UNC5D: variants seen among roughly 807,000 people sequenced by gnomAD.
UNC5D encodes unc-5 netrin receptor D.
UNC5D carries 39 observed loss-of-function variants against 105.4 expected under a neutral mutation model. That is an observed-to-expected ratio of 0.37 (90% CI 0.29 to 0.48). The LOEUF is 0.48. UNC5D is among the 20% of genes least tolerant of loss of function. The pLI, the probability that UNC5D is intolerant of heterozygous loss-of-function variation, is 0.98. For synonymous variants in UNC5D, 452 were observed against 450.4 expected, an observed-to-expected ratio of 1.00 and a Z score of -0.04; for missense variants, 991 against 1,202.4, an observed-to-expected ratio of 0.82 and a Z score of 2.60.
At chr8:35,593,230 G>A (rs1346141165) in intron 3 of UNC5D, among the ~76,000 whole-genome samples, 1 of 152,138 alleles carries the variant, frequency 6.6e-6, no homozygotes, top group Admixed American at 6.6e-5. Context: ...GTAGTGGTGT[G>A]TAGATAGCCA....
chr8:35,684,456 G>A (rs1295583259), intron 5 of UNC5D, 126 bp from the exon 6 acceptor site: 2 of 1,119,528 alleles, frequency 1.8e-6, no homozygotes, highest in Admixed American at 2.8e-5. Context: ...CAGCCAGTGG[G>A]GGCTGCACAG....
At chr8:35,278,164 T>A (rs1805898365) in intron 1 of UNC5D, among the ~76,000 whole-genome samples, 1 of 152,158 alleles carries the variant, frequency 6.6e-6, no homozygotes, top group Admixed American at 6.5e-5. Context: ...TTCTGATGTC[T>A]GGTCCCTGCT....
chr8:35,451,518 G>T (rs1276127821), intron 1 of UNC5D, among the ~76,000 whole-genome samples: 1 of 152,126 alleles, frequency 6.6e-6, no homozygotes, highest in Non-Finnish European at 1.5e-5. Flanking sequence ...AAACAGAGGC[G>T]CAGAGAAGTT....
At chr8:35,683,075 T>G (rs1825775140) in intron 4 of UNC5D, among the ~76,000 whole-genome samples, 1 of 152,230 alleles carries the variant, frequency 6.6e-6, no homozygotes, top group Non-Finnish European at 1.5e-5. Context: ...TCTCAAACCT[T>G]TATCAAAACT....
chr8:35,485,294 C>A (rs1343346595), intron 1 of UNC5D, among the ~76,000 whole-genome samples: 1 of 152,142 alleles, frequency 6.6e-6, no homozygotes, highest in Non-Finnish European at 1.5e-5. Flanking sequence ...CAGGACTCAG[C>A]TAATATTTGT....
chr8:35,760,233 G>A (rs1387184488), intron 14 of UNC5D, among the ~76,000 whole-genome samples: 3 of 151,808 alleles, frequency 2.0e-5, no homozygotes, highest in South Asian at 2.1e-4. Flanking sequence ...TAGTAGAGAC[G>A]GGGTTTGCCA....
intron 14 of UNC5D, among the ~76,000 whole-genome samples, chr8:35,766,526 A>C (rs1173261736): frequency 6.6e-6 from 1 of 152,196 alleles, no homozygotes; most frequent in African/African-American, 2.4e-5. Context: ...CCCCAGACCG[A>C]AGTAGAAGCA....
At chr8:35,324,438 T>C (rs917681956) in intron 1 of UNC5D, among the ~76,000 whole-genome samples, 2 of 48,222 alleles carry the variant, frequency 4.1e-5, no homozygotes, top group African/African-American at 9.9e-5. Context: ...TCTTTTGTTT[T>C]TGTGCTTTTT....
chr8:35,789,175 A>ATATATATATATATATATATATATATATG (rs1563765126), intron 16 of UNC5D, among the ~76,000 whole-genome samples: 1 of 95,056 alleles, frequency 1.1e-5, no homozygotes, highest in African/African-American at 4.3e-5. Context: ...ATATATATAT[A>ATATATATATATATATATATATATATATG]TATATATATA....
chr8:35,410,547 A>C (rs1805099522), intron 1 of UNC5D, among the ~76,000 whole-genome samples: 1 of 152,094 alleles, frequency 6.6e-6, no homozygotes, highest in African/African-American at 2.4e-5. Flanking sequence ...GGTATTGTGG[A>C]ATAGAAAGAA....
chr8:35,571,414 T>C (rs935480926), intron 3 of UNC5D, among the ~76,000 whole-genome samples: 2 of 152,220 alleles, frequency 1.3e-5, no homozygotes, highest in African/African-American at 4.8e-5. Flanking sequence ...GAGAGGTTTT[T>C]TAATTTATTT....
chr8:35,534,268 C>G (rs750086481), intron 1 of UNC5D, among the ~76,000 whole-genome samples: 4 of 152,126 alleles, frequency 2.6e-5, no homozygotes, highest in Non-Finnish European at 5.9e-5. Flanking sequence ...TCAGCTTTCT[C>G]TGACACTGTT....
At chr8:35,774,216 C>A in intron 15 of UNC5D, 83 bp from the exon 16 acceptor site, 1 of 1,530,984 alleles carries the variant, frequency 6.5e-7, no homozygotes, top group Non-Finnish European at 8.9e-7. Context: ...TGTGTGTTAA[C>A]CCAGATTTTC....
intron 1 of UNC5D, among the ~76,000 whole-genome samples, chr8:35,460,207 C>T (rs1808791557): frequency 6.6e-6 from 1 of 152,178 alleles, no homozygotes; most frequent in Non-Finnish European, 1.5e-5. Context: ...CAGATATTAG[C>T]TCTGCTGCTT....
rs77636624 is a variant in UNC5D, at chr8:35,299,266, C to T, written c.103+63379C>T. 5.5e-4 allele frequency among the ~76,000 whole-genome samples: 84 copies of T among 152,238 alleles called. 1 individual carries two copies. The East Asian group carries it at 0.014, about 25-fold the overall frequency. On this transcript the variant is annotated intron_variant, in intron 1 of 16. Coordinates refer to ENST00000404895, the MANE Select transcript of UNC5D (RefSeq NM_080872.4). The stretch of plus-strand genomic sequence containing the variant: ...GCAAAGAGTGTGACCAAACTGGCAA[C>T]GTTGGAAACTGATCATAGACTGTTT...
intron 1 of UNC5D, among the ~76,000 whole-genome samples, chr8:35,321,778 A>G (rs1809764666): frequency 6.6e-6 from 1 of 152,270 alleles, no homozygotes; most frequent in African/African-American, 2.4e-5. Flanking sequence ...TTCCTGGATC[A>G]CTACGGTTTC....
intron 8 of UNC5D, among the ~76,000 whole-genome samples, chr8:35,715,608 G>A (rs541494766): frequency 1.3e-5 from 2 of 152,290 alleles, no homozygotes; most frequent in African/African-American, 2.4e-5. Flanking sequence ...TAAAAAGGCG[G>A]CATGTTTGAG....
At chr8:35,293,315 C>G (rs1344512666) in intron 1 of UNC5D, among the ~76,000 whole-genome samples, 1 of 152,186 alleles carries the variant, frequency 6.6e-6, no homozygotes. Flanking sequence ...GCTACTGATA[C>G]TCCTTCCACC....
chr8:35,415,080 A>G (rs1805445528), intron 1 of UNC5D, among the ~76,000 whole-genome samples: 4 of 152,160 alleles, frequency 2.6e-5, no homozygotes, highest in East Asian at 3.9e-4. Context: ...TTGGGTGCCT[A>G]CATAACTATA....
Sources: allele counts gnomAD v4.1 joint callset (sites outside exome capture counted in the v4.1 genomes callset), GRCh38; gene constraint gnomAD v4.1.1; transcripts MANE v1.5; gene names NCBI Gene and HGNC (gene_info 2026-07-23, HGNC 2026-07-21).